The following SLC7A9 variants were observed in gnomAD, a reference collection of about 807,000 sequenced individuals.
SLC7A9 encodes the protein B(0,+)-type amino acid transporter 1.
SLC7A9 carries 38 observed loss-of-function variants against 54.1 expected under a neutral mutation model. The observed-to-expected ratio is 0.70, with a 90% CI of 0.54 to 0.92. The LOEUF (loss-of-function observed/expected upper bound fraction) is 0.92, where lower values mean the gene tolerates loss of function less well. Ranked by LOEUF, SLC7A9 falls within the 40% of genes least tolerant of loss-of-function variation. SLC7A9 has a pLI of 0.00. For synonymous variants in SLC7A9, 264 were observed against 258.9 expected, an observed-to-expected ratio of 1.02 and a Z score of -0.19; for missense variants, 537 against 636.1, an observed-to-expected ratio of 0.84 and a Z score of 1.68.
chr19:32,831,808 T>G (rs988377652), intron 12 of SLC7A9, among the ~76,000 whole-genome samples: 4 of 152,212 alleles, frequency 2.6e-5, no homozygotes, highest in Admixed American at 6.5e-5. Context: ...CCATGACTTT[T>G]TGTGTGTCTT....
intron 8 of SLC7A9, 141 bp from the exon 9 acceptor site, chr19:32,858,684 A>C: frequency 2.9e-6 from 2 of 679,624 alleles, no homozygotes; most frequent in Non-Finnish European, 2.7e-6. Flanking sequence ...TCCACTGCAG[A>C]GGAGAGAGGA....
chr19:32,849,358 G>A (rs1216975277), intron 9 of SLC7A9, among the ~76,000 whole-genome samples: 13 of 151,672 alleles, frequency 8.6e-5, no homozygotes, highest in Admixed American at 3.3e-4. Context: ...TATCACCACC[G>A]ATCCCACAGA....
Position 32,862,557 on chromosome 19 carries a change from C to T in SLC7A9, c.508G>A (p.Val170Met), listed in dbSNP as rs121908479. The change falls in exon 5 of 13, where the codon GTG becomes ATG. Residue 170 changes from valine (V) to methionine (M), a missense_variant. Coordinates refer to ENST00000023064, the MANE Select transcript of SLC7A9 (RefSeq NM_014270.5). ...LFISTVNSLS[V>M]RLGSYVQNIF... ...TTCTGGACGTAGCTTCCCAGCCGCACGCTCAGTGAGTTCACTGTCGAGATG... is the reference window on the plus strand; with the variant it reads ...TTCTGGACGTAGCTTCCCAGCCGCATGCTCAGTGAGTTCACTGTCGAGATG... 5.0e-6 allele frequency: 8 copies of T among 1,613,954 alleles called. No homozygotes were observed. The highest frequency in any genetic ancestry group is 1.1e-5 in the South Asian group (1 of 91,058).
chr19:32,837,063 TCTC>T (rs1967978965), intron 11 of SLC7A9, among the ~76,000 whole-genome samples: 1 of 152,190 alleles, frequency 6.6e-6, no homozygotes, highest in Non-Finnish European at 1.5e-5. Context: ...ATAAGTCTGG[TCTC>T]CATTCTCTCG....
intron 6 of SLC7A9, among the ~76,000 whole-genome samples, chr19:32,861,682 G>C (rs1968803596): frequency 1.3e-5 from 2 of 152,242 alleles, no homozygotes; most frequent in South Asian, 2.1e-4. Context: ...GGGCATGGCA[G>C]CTCCTATCTG....
chr19:32,864,660 TATG>T lies in SLC7A9; in HGVS notation c.201_203del (p.Ile68del). 6.2e-7 allele frequency: 1 copy of T among 1,613,980 alleles called. No homozygotes were observed. Among genetic ancestry groups the T allele is most frequent in the Non-Finnish European group, 8.5e-7 (1 of 1,180,012 alleles). ...TCGCGAGGACCCCGCAAGCCGCCCA[TATG>T]ATGAGGCAGGGCCCCACAGCTTCCG... On this transcript the variant is annotated inframe_deletion, in exon 3 of 13. Coordinates refer to ENST00000023064, the MANE Select transcript of SLC7A9 (RefSeq NM_014270.5).
At chr19:32,834,041 T>TGA (rs1240060064) in intron 11 of SLC7A9, among the ~76,000 whole-genome samples, 5 of 152,066 alleles carry the variant, frequency 3.3e-5, no homozygotes, top group Non-Finnish European at 5.9e-5. Context: ...GTTGGGCCCC[T>TGA]GAGACCTCCA....
chr19:32,835,598 A>G (rs762364625), intron 11 of SLC7A9, among the ~76,000 whole-genome samples: 62 of 152,214 alleles, frequency 4.1e-4, no homozygotes, highest in Non-Finnish European at 7.9e-4. Flanking sequence ...TGCTTAATTT[A>G]TTCCAGAGCA....
intron 2 of SLC7A9, among the ~76,000 whole-genome samples, chr19:32,867,745 G>A (rs943439155): frequency 6.6e-6 from 1 of 151,790 alleles, no homozygotes; most frequent in African/African-American, 2.4e-5. Context: ...AGGAATTGGA[G>A]ACCAGCCTGG....
Position 32,868,617 on chromosome 19 carries a change from G to C in SLC7A9, c.-83C>G. On this transcript the variant is annotated 5_prime_UTR_variant, in exon 2 of 13. Transcript: ENST00000023064. ...CAGCAGCAGCAGACAAGACGCAAGTGCAAGCTCGGCCTGGACTAGGGGAGC... is the reference window on the plus strand; with the variant it reads ...CAGCAGCAGCAGACAAGACGCAAGTCCAAGCTCGGCCTGGACTAGGGGAGC... 1 of 1,176,772 alleles carries C rather than the reference G, an allele frequency of 8.5e-7. No individual in the cohort carries two copies. The highest frequency in any genetic ancestry group is 1.3e-6 in the Non-Finnish European group (1 of 783,864). The allele number at this position is 1,176,772 out of a possible 1,614,324, so 72.9% of individuals were successfully genotyped here. A position where few individuals can be genotyped will look rare whatever the true frequency, so the allele number is the denominator to read the frequency against.
chr19:32,839,412 G>T (rs1968066149), intron 11 of SLC7A9, among the ~76,000 whole-genome samples: 1 of 152,042 alleles, frequency 6.6e-6, no homozygotes, highest in Non-Finnish European at 1.5e-5. Context: ...AATTAGCCAG[G>T]CGTGGTGGCA....
rs764731878 is a variant in SLC7A9 at position 32,862,188 on chromosome 19, C to G, written c.634G>C (p.Glu212Gln). The change falls in exon 6 of 13, where the codon GAG becomes CAG. Residue 212 changes from glutamate to glutamine, a missense_variant. Glu to Gln is a conservative substitution (Grantham distance 29). Transcript: ENST00000023064. ...GNTKNFDNSF[E>Q]GAQLSVGAIS... ...GCTCCCACAGACAGCTGGGCGCCCTCGAAAGAATTATCAAAATTCTTTGTG... is the reference window on the plus strand; with the variant it reads ...GCTCCCACAGACAGCTGGGCGCCCTGGAAAGAATTATCAAAATTCTTTGTG... 6.2e-7 allele frequency: 1 copy of G among 1,613,778 alleles called. No homozygotes were observed. Among genetic ancestry groups the G allele is most frequent in the Non-Finnish European group, 8.5e-7 (1 of 1,179,850 alleles).
chr19:32,864,829 G>C, intron 2 of SLC7A9, 53 bp from the exon 3 acceptor site: 1 of 1,612,380 alleles, frequency 6.2e-7, no homozygotes, highest in South Asian at 1.1e-5. Flanking sequence ...ACCCAGCCCA[G>C]AAGGCCAGGT....
intron 9 of SLC7A9, among the ~76,000 whole-genome samples, chr19:32,847,513 C>G (rs1968335383): frequency 6.6e-6 from 1 of 152,110 alleles, no homozygotes; most frequent in Admixed American, 6.6e-5. Flanking sequence ...ATGAACAAAG[C>G]CTCCAAGAAA....
rs776615557 is a variant in SLC7A9, at chr19:32,830,632, T to C, written c.1452A>G (p.Glu484=). The change falls in exon 13 of 13, where the codon GAA becomes GAG. Residue 484 remains glutamate (E), a synonymous_variant. Coordinates refer to ENST00000023064, the MANE Select transcript of SLC7A9 (RefSeq NM_014270.5). ...QMLMEVVPPE[E]DPE is the part of the protein sequence containing the mutation. ...GAGACGGAGCTTGTTACTCAGGGTC[T>C]TCCTCCGGTGGGACCACTTCCATTA... 2 of 1,613,874 alleles carry C rather than the reference T, an allele frequency of 1.2e-6. No individual in the cohort carries two copies. The highest frequency in any genetic ancestry group is 1.7e-5 in the Admixed American group (1 of 60,028).
chr19:32,832,463 T>C (rs1191784701), intron 12 of SLC7A9, among the ~76,000 whole-genome samples: 1 of 151,872 alleles, frequency 6.6e-6, no homozygotes, highest in African/African-American at 2.4e-5. Flanking sequence ...GGTGCACACC[T>C]GTAATCCCAG....
intron 11 of SLC7A9, among the ~76,000 whole-genome samples, chr19:32,839,711 C>T (rs1968076265): frequency 6.6e-6 from 1 of 152,148 alleles, no homozygotes; most frequent in Admixed American, 6.6e-5. Context: ...GCTCCACTCT[C>T]TTGCAGCATG....
At position 32,852,762 on chromosome 19, in the gene SLC7A9, A is replaced by G. The variant is rs189099001; in HGVS notation, c.977+5678T>C. 3.3e-5 allele frequency among the ~76,000 whole-genome samples: 5 copies of G among 152,300 alleles called. No homozygotes were observed. In the East Asian group the frequency reaches 5.8e-4, roughly 18 times the overall value. On this transcript the variant is annotated intron_variant, in intron 9 of 12. Coordinates refer to ENST00000023064, the MANE Select transcript of SLC7A9 (RefSeq NM_014270.5). ...ATCAGTCCTCCAGAAATTAATATAGAAATTCCATAAAATCAGAATGCAAGC... is the reference window on the plus strand; with the variant it reads ...ATCAGTCCTCCAGAAATTAATATAGGAATTCCATAAAATCAGAATGCAAGC...
intron 7 of SLC7A9, chr19:32,860,165 G>C: frequency 6.6e-7 from 1 of 1,514,602 alleles, no homozygotes; most frequent in South Asian, 1.2e-5. Context: ...AGCAAAATAA[G>C]CCAGAGATAA....
Sources: gnomAD v4.1 joint callset for allele counts (sites outside exome capture counted in the v4.1 genomes callset) on GRCh38, gnomAD v4.1.1 for gene constraint, MANE v1.5 for transcripts, NCBI Gene and HGNC (gene_info 2026-07-23, HGNC 2026-07-21) for gene names.